The following RIMS2 variants were observed in gnomAD, a reference collection of about 807,000 sequenced individuals.
RIMS2 encodes the protein regulating synaptic membrane exocytosis protein 2.
RIMS2 carries 59 observed loss-of-function variants against 174.4 expected under a neutral mutation model. The ratio of observed to expected loss-of-function variants is 0.34; its 90% CI spans 0.27 to 0.42. RIMS2 has a LOEUF of 0.42. RIMS2 is among the 10% of genes least tolerant of loss of function. The pLI, the probability that RIMS2 is intolerant of heterozygous loss-of-function variation, is 1.00. For synonymous variants in RIMS2, 606 were observed against 572.5 expected, an observed-to-expected ratio of 1.06 and a Z score of -0.84; for missense variants, 1,620 against 1,666.3, an observed-to-expected ratio of 0.97 and a Z score of 0.48.
chr8:103,602,894 A>G (rs765176069), intron 1 of RIMS2, among the ~76,000 whole-genome samples: 2 of 152,248 alleles, frequency 1.3e-5, no homozygotes, highest in African/African-American at 4.8e-5. Context: ...ACTGCTTTCC[A>G]CAATGGCTGA....
intron 1 of RIMS2, among the ~76,000 whole-genome samples, chr8:103,636,357 G>C (rs2096073585): frequency 6.6e-6 from 1 of 152,124 alleles, no homozygotes; most frequent in African/African-American, 2.4e-5. Context: ...CTATCACTCT[G>C]GGGTGTCTAT....
intron 19 of RIMS2, among the ~76,000 whole-genome samples, chr8:104,028,089 C>G (rs1287048589): frequency 6.6e-6 from 1 of 151,286 alleles, no homozygotes; most frequent in Non-Finnish European, 1.5e-5. Flanking sequence ...GCCACTATGC[C>G]TGGCTAATTT....
At chr8:103,874,879 A>G (rs1177475443) in intron 3 of RIMS2, among the ~76,000 whole-genome samples, 1 of 151,988 alleles carries the variant, frequency 6.6e-6, no homozygotes, top group South Asian at 2.1e-4. Flanking sequence ...TTCTTTCACA[A>G]AGCTCAGCCT....
chr8:103,969,392 C>T (rs1565593748), intron 15 of RIMS2, among the ~76,000 whole-genome samples: 1 of 151,810 alleles, frequency 6.6e-6, no homozygotes, highest in Non-Finnish European at 1.5e-5. Flanking sequence ...TTTTTCAGTC[C>T]TTGTTCTCTT....
Position 103,697,066 on chromosome 8 carries a change from C to A in RIMS2, c.177-20C>A. 2 of 1,575,456 alleles carry A rather than the reference C, an allele frequency of 1.3e-6. No individual in the cohort carries two copies. Among genetic ancestry groups the A allele is most frequent in the South Asian group, 2.2e-5 (2 of 89,410 alleles). ...GATCATCAGGAAACCAACTTTTTTT[C>A]TTATCTATTTTCTCTGCAGAAAACT... On this transcript the variant is annotated intron_variant, in intron 1 of 23. Transcript: ENST00000504942.
chr8:103,874,257 G>A (rs868808253), intron 3 of RIMS2, among the ~76,000 whole-genome samples: 1 of 151,940 alleles, frequency 6.6e-6, no homozygotes. Flanking sequence ...CACTGTGATT[G>A]GACAAGCTTA....
intron 2 of RIMS2, among the ~76,000 whole-genome samples, chr8:103,722,799 C>G (rs9656859): frequency 0.012 from 1,769 of 152,276 alleles, 33 homozygotes; most frequent in African/African-American, 0.039. Flanking sequence ...TTTAATCTGT[C>G]TGACTAGGAC....
chr8:103,859,805 A>G (rs996365880), intron 3 of RIMS2, among the ~76,000 whole-genome samples: 3 of 152,238 alleles, frequency 2.0e-5, no homozygotes, highest in Admixed American at 1.3e-4. Flanking sequence ...CCAGGGTCCA[A>G]CATCTTGAAG....
chr8:103,652,384 T>A, intron 1 of RIMS2, 147 bp downstream of exon 2: 1 of 479,768 alleles, frequency 2.1e-6, no homozygotes, highest in Non-Finnish European at 3.7e-6. Context: ...AGAGAGCTGC[T>A]TGCAGCTTCT....
At chr8:104,067,064 G>T (rs1434892766) in intron 19 of RIMS2, among the ~76,000 whole-genome samples, 1 of 152,094 alleles carries the variant, frequency 6.6e-6, no homozygotes, top group East Asian at 1.9e-4. Context: ...ATAACTTCTA[G>T]TTATACTGGT....
At chr8:103,962,687 A>C (rs2090522552) in intron 15 of RIMS2, among the ~76,000 whole-genome samples, 1 of 152,066 alleles carries the variant, frequency 6.6e-6, no homozygotes, top group Non-Finnish European at 1.5e-5. Flanking sequence ...GCAGTAGTGC[A>C]ATCACAGCTC....
intron 3 of RIMS2, among the ~76,000 whole-genome samples, chr8:103,830,476 C>A (rs1261934606): frequency 6.6e-6 from 1 of 151,986 alleles, no homozygotes; most frequent in Non-Finnish European, 1.5e-5. Context: ...AGAGAACATA[C>A]CTGTATAATC....
chr8:103,799,381 A>G (rs2098587427), intron 3 of RIMS2, among the ~76,000 whole-genome samples: 1 of 152,202 alleles, frequency 6.6e-6, no homozygotes, highest in African/African-American at 2.4e-5. Context: ...AGTGATGGAC[A>G]ATCTAGGCTA....
chr8:103,622,529 C>T (rs189379515), intron 1 of RIMS2, among the ~76,000 whole-genome samples: 74 of 152,008 alleles, frequency 4.9e-4, no homozygotes, highest in Admixed American at 2.6e-3. Context: ...TTTTAAGATG[C>T]CATCTGGTTT....
rs150376641 is a variant in RIMS2 at position 103,633,192 on chromosome 8, ATT to A, written c.177-63879_177-63878del. On this transcript the variant is annotated intron_variant, in intron 1 of 23. Transcript: ENST00000504942. ...CAGGCATGTGCCACCACGCCCGGCT[ATT>A]TTTTTTTTTTTTTTGTATTTTTTTG... Among the ~76,000 whole-genome samples, 1,118 of 134,898 alleles carry A rather than the reference ATT, an allele frequency of 8.3e-3. 14 individuals carry two copies. The highest frequency in any genetic ancestry group is 0.026 in the African/African-American group (929 of 36,040). 88.5% of individuals were successfully genotyped at this position (134,898 alleles called of 152,430 possible).
At chr8:104,053,485 G>C (rs1009542418) in intron 19 of RIMS2, among the ~76,000 whole-genome samples, 3 of 152,172 alleles carry the variant, frequency 2.0e-5, no homozygotes, top group Non-Finnish European at 1.5e-5. Flanking sequence ...CTGACAAGGA[G>C]ATTGGGAAAG....
chr8:104,148,429 G>A (rs113290953), intron 19 of RIMS2, among the ~76,000 whole-genome samples, 178 bp from the exon 25 acceptor site: 2 of 152,138 alleles, frequency 1.3e-5, no homozygotes, highest in African/African-American at 2.4e-5. Flanking sequence ...TTGCTCTAAG[G>A]TTGGCCCAGA....
At position 103,538,753 on chromosome 8, in the gene RIMS2, C is replaced by T. The variant is rs182735758; in HGVS notation, c.176+37691C>T. Among the ~76,000 whole-genome samples, 34 of 152,254 alleles carry T rather than the reference C, an allele frequency of 2.2e-4. No homozygotes were observed. In the East Asian group the frequency reaches 5.4e-3, roughly 24 times the overall value. ...GGTGGTCTCAATCCCGTGATCCACC[C>T]GCCTTGGCCTCCCAAAGTGCTGGGA... is the stretch of plus-strand genomic sequence containing the variant. On this transcript the variant is annotated intron_variant, in intron 1 of 23. Transcript: ENST00000504942.
intron 3 of RIMS2, among the ~76,000 whole-genome samples, chr8:103,866,309 T>A (rs541288935): frequency 3.3e-5 from 5 of 152,136 alleles, no homozygotes; most frequent in Non-Finnish European, 7.4e-5. Context: ...ATGTCTTAGA[T>A]TTTATTAACA....
Sources: gnomAD v4.1 joint callset for allele counts (sites outside exome capture counted in the v4.1 genomes callset) on GRCh38, gnomAD v4.1.1 for gene constraint, MANE v1.5 for transcripts, NCBI Gene and HGNC (gene_info 2026-07-23, HGNC 2026-07-21) for gene names.